The following XKR6 variants were observed in gnomAD, a reference collection of about 807,000 sequenced individuals.
The protein encoded by XKR6 is XK related 6.
Under a neutral mutation model 56.7 loss-of-function variants are expected in XKR6, and 22 were observed. That is an observed-to-expected ratio of 0.39 (90% CI 0.28 to 0.55). XKR6 has a LOEUF of 0.55. Ranked by LOEUF, XKR6 falls within the 20% of genes least tolerant of loss-of-function variation. XKR6 has a pLI of 0.66. For missense variants in XKR6, 852 were observed against 889.0 expected (o/e 0.96, Z 0.53); for synonymous variants, 524 against 387.8 (o/e 1.35, Z -4.13).
intron 1 of XKR6, chr8:11,124,105 C>G (rs751947029): frequency 4.7e-6 from 2 of 426,410 alleles, no homozygotes; most frequent in African/African-American, 4.1e-5. Context: ...TATATTTTTA[C>G]TTATTTACTT....
At chr8:11,084,408 G>A (rs755550561) in intron 1 of XKR6, among the ~76,000 whole-genome samples, 1 of 152,040 alleles carries the variant, frequency 6.6e-6, no homozygotes, top group Non-Finnish European at 1.5e-5. Flanking sequence ...CCAGAATTCA[G>A]ATATGATTTA....
At chr8:11,050,413 G>A (rs1005861734) in intron 1 of XKR6, among the ~76,000 whole-genome samples, 1 of 152,084 alleles carries the variant, frequency 6.6e-6, no homozygotes, top group African/African-American at 2.4e-5. Context: ...TGGTCTCGGA[G>A]ATCCCTTCCA....
chr8:11,101,040 G>T (rs1798456632), intron 1 of XKR6, among the ~76,000 whole-genome samples: 1 of 152,164 alleles, frequency 6.6e-6, no homozygotes, highest in South Asian at 2.1e-4. Flanking sequence ...GACGAAAGAG[G>T]CTGTCGCTAA....
At chr8:11,103,462 C>A (rs1798561922) in intron 1 of XKR6, among the ~76,000 whole-genome samples, 1 of 152,144 alleles carries the variant, frequency 6.6e-6, no homozygotes, top group South Asian at 2.1e-4. Context: ...AAAGGTAATT[C>A]TTTATTTCTG....
At chr8:11,008,651 A>G (rs1302779603) in intron 1 of XKR6, among the ~76,000 whole-genome samples, 3 of 151,962 alleles carry the variant, frequency 2.0e-5, no homozygotes, top group Non-Finnish European at 4.4e-5. Flanking sequence ...TTGGGTTCAA[A>G]TGATCCACCT....
At chr8:11,010,747 T>G (rs1361689456) in intron 1 of XKR6, among the ~76,000 whole-genome samples, 1 of 152,058 alleles carries the variant, frequency 6.6e-6, no homozygotes, top group African/African-American at 2.4e-5. Flanking sequence ...TTTACTACCT[T>G]TTTTTCTAAA....
chr8:11,006,142 C>A (rs1227177691), intron 1 of XKR6, among the ~76,000 whole-genome samples: 2 of 152,030 alleles, frequency 1.3e-5, no homozygotes, highest in Admixed American at 1.3e-4. Context: ...CTGTGACTGA[C>A]TAAAAATTTT....
rs867382446 is a variant in XKR6 at position 11,190,016 on chromosome 8, G to T, written c.764+10560C>A. 1.5e-4 allele frequency among the ~76,000 whole-genome samples: 23 copies of T among 152,160 alleles called. 1 individual carries two copies. Among genetic ancestry groups the T allele is most frequent in the South Asian group, 1.2e-3 (6 of 4,834 alleles). ...TACTAAAAGTACAAAAATTAGACGG[G>T]TATGGTGGCTCATGCCTGTAATCCC... is the stretch of plus-strand genomic sequence containing the variant. On this transcript the variant is annotated intron_variant, in intron 1 of 2. Transcript: ENST00000416569.
intron 1 of XKR6, among the ~76,000 whole-genome samples, chr8:11,191,734 T>C (rs988253770): frequency 1.3e-5 from 2 of 149,960 alleles, no homozygotes; most frequent in East Asian, 3.9e-4. Flanking sequence ...GGGACTATTC[T>C]AAAGAAACAG....
chr8:11,064,201 T>C (rs1799920323), intron 1 of XKR6, among the ~76,000 whole-genome samples: 1 of 152,214 alleles, frequency 6.6e-6, no homozygotes, highest in Non-Finnish European at 1.5e-5. Context: ...CCCTTCCCAG[T>C]GCTCCAAACA....
chr8:11,127,517 C>T (rs1324970857), intron 1 of XKR6, among the ~76,000 whole-genome samples: 1 of 152,130 alleles, frequency 6.6e-6, no homozygotes. Flanking sequence ...GAGAAGAATC[C>T]ACTCCCTGGC....
intron 1 of XKR6, among the ~76,000 whole-genome samples, chr8:11,149,921 C>T (rs995470136): frequency 3.3e-5 from 5 of 152,186 alleles, no homozygotes; most frequent in Non-Finnish European, 5.9e-5. Context: ...AAAATCACGC[C>T]GTTTGCAGCG....
At chr8:11,048,598 C>T (rs1007876100) in intron 1 of XKR6, among the ~76,000 whole-genome samples, 2 of 152,202 alleles carry the variant, frequency 1.3e-5, no homozygotes, top group Non-Finnish European at 2.9e-5. Context: ...TAAAGGCCCC[C>T]GAGGATTCGG....
intron 1 of XKR6, among the ~76,000 whole-genome samples, chr8:11,126,516 G>C (rs777111431): frequency 1.3e-5 from 2 of 151,896 alleles, no homozygotes; most frequent in African/African-American, 2.4e-5. Flanking sequence ...TGATTATAGA[G>C]ATTCAAACTT....
At chr8:11,058,257 A>G (rs1799736166) in intron 1 of XKR6, among the ~76,000 whole-genome samples, 1 of 152,198 alleles carries the variant, frequency 6.6e-6, no homozygotes, top group South Asian at 2.1e-4. Context: ...ATTGTGGAAG[A>G]CAGTGTGGCG....
At chr8:11,041,144 G>A (rs1003115432) in intron 1 of XKR6, among the ~76,000 whole-genome samples, 2 of 152,138 alleles carry the variant, frequency 1.3e-5, no homozygotes, top group Non-Finnish European at 2.9e-5. Flanking sequence ...ACAGCTCAGT[G>A]TACCGTACAT....
intron 1 of XKR6, among the ~76,000 whole-genome samples, chr8:10,961,351 G>A (rs569468373): frequency 6.6e-6 from 1 of 152,312 alleles, no homozygotes; most frequent in East Asian, 1.9e-4. Context: ...CGGCTTGAGT[G>A]ACAGTGGGAG....
chr8:11,132,118 A>G (rs972136395), intron 1 of XKR6, among the ~76,000 whole-genome samples: 3 of 152,084 alleles, frequency 2.0e-5, no homozygotes, highest in African/African-American at 7.3e-5. Context: ...GGTCTGGTGC[A>G]GCGCCCTAAA....
chr8:11,010,525 C>T (rs761726591), intron 1 of XKR6, among the ~76,000 whole-genome samples: 3 of 152,040 alleles, frequency 2.0e-5, no homozygotes, highest in Non-Finnish European at 4.4e-5. Context: ...GGCACAATGC[C>T]CTAGCACAAT....
Sources: allele counts gnomAD v4.1 joint callset (sites outside exome capture counted in the v4.1 genomes callset), GRCh38; gene constraint gnomAD v4.1.1; transcripts MANE v1.5; gene names NCBI Gene and HGNC (gene_info 2026-07-23, HGNC 2026-07-21).